Variants in ANXA8 observed in about 807,000 individuals in gnomAD.
ANXA8 encodes annexin A8.
ANXA8 carries 9 observed loss-of-function variants against 26.8 expected under a neutral mutation model. The ratio of observed to expected loss-of-function variants is 0.34; its 90% CI spans 0.20 to 0.59. ANXA8 has a LOEUF of 0.59. Ranked by LOEUF, ANXA8 falls within the 20% of genes least tolerant of loss-of-function variation. ANXA8 has a pLI of 0.84. For missense variants in ANXA8, 83 were observed against 238.5 expected, an observed-to-expected ratio of 0.35 and a Z score of 4.29; for synonymous variants, 39 against 94.8, an observed-to-expected ratio of 0.41 and a Z score of 3.42.
chr10:47,967,990 T>G, the ANXA8 span, among the ~76,000 whole-genome samples: 1 of 150,924 alleles, frequency 6.6e-6, no homozygotes, highest in African/African-American at 2.4e-5. Context: ...AAACCTATAT[T>G]AAAACCCTTA....
At chr10:47,969,935 ATCTT>A in the ANXA8 span, 3 of 151,298 alleles carry the variant, frequency 2.0e-5, no homozygotes, top group Non-Finnish European at 4.4e-5. Flanking sequence ...TTAGTAAGCC[ATCTT>A]TCTCTCTTTT....
At chr10:47,987,123 G>T in the ANXA8 span, 3 of 411,040 alleles carry the variant, frequency 7.3e-6, no homozygotes, top group African/African-American at 7.0e-5. Flanking sequence ...CCCCCGGTTA[G>T]CTGGGCACAG....
the ANXA8 span, chr10:47,502,961 T>C: frequency 2.5e-6 from 4 of 1,585,158 alleles, 1 homozygote; most frequent in South Asian, 4.4e-5. Context: ...GGGGGCGGGT[T>C]GAGCTTGGGG....
chr10:47,720,530 T>C, the ANXA8 span, among the ~76,000 whole-genome samples: 5 of 146,582 alleles, frequency 3.4e-5, 1 homozygote, highest in Non-Finnish European at 7.5e-5. Context: ...AAACTGCTAA[T>C]CAGCTCAGTG....
chr10:47,623,440 G>C, the ANXA8 span, among the ~76,000 whole-genome samples: 2 of 111,566 alleles, frequency 1.8e-5, no homozygotes, highest in African/African-American at 3.5e-5. Context: ...GTTGAGGAGG[G>C]TCAAGGATTC....
chr10:47,959,756 G>A, the ANXA8 span, among the ~76,000 whole-genome samples: 1 of 149,898 alleles, frequency 6.7e-6, no homozygotes, highest in African/African-American at 2.5e-5. Flanking sequence ...ACCTTGAGAG[G>A]TGGGGTCTCT....
chr10:47,469,376 A>C (rs1161786208), intron 11 of ANXA8, among the ~76,000 whole-genome samples: 1 of 151,860 alleles, frequency 6.6e-6, no homozygotes, highest in African/African-American at 2.4e-5. Flanking sequence ...GGTGTGGCCG[A>C]GGCAAGCCCC....
chr10:47,717,528 G>T, the ANXA8 span, among the ~76,000 whole-genome samples: 1 of 122,332 alleles, frequency 8.2e-6, no homozygotes, highest in Non-Finnish European at 1.6e-5. Context: ...GTAAAGAAAT[G>T]AAGACGCTTA....
chr10:47,636,688 C>A, the ANXA8 span, among the ~76,000 whole-genome samples: 12 of 152,050 alleles, frequency 7.9e-5, no homozygotes, highest in Non-Finnish European at 5.9e-5. Context: ...AGCCTTTGAG[C>A]AGGGTACGAA....
At chr10:47,721,506 T>A in the ANXA8 span, among the ~76,000 whole-genome samples, 1 of 140,846 alleles carries the variant, frequency 7.1e-6, no homozygotes, top group African/African-American at 2.6e-5. Flanking sequence ...AGGCAAGAAT[T>A]ATTATTTTTT....
the ANXA8 span, among the ~76,000 whole-genome samples, chr10:47,573,862 G>C: frequency 8.0e-5 from 12 of 149,912 alleles, no homozygotes; most frequent in Admixed American, 2.7e-4. Context: ...AGGTGGAGAG[G>C]GTTGGGGTAT....
the ANXA8 span, among the ~76,000 whole-genome samples, chr10:47,958,504 C>G: frequency 6.8e-6 from 1 of 147,234 alleles, no homozygotes; most frequent in Non-Finnish European, 1.5e-5. Flanking sequence ...TCATCTCCAC[C>G]ACTGGCTCCC....
chr10:47,960,786 C>A, the ANXA8 span, among the ~76,000 whole-genome samples: 1 of 142,300 alleles, frequency 7.0e-6, no homozygotes, highest in Non-Finnish European at 1.5e-5. Flanking sequence ...TCTCCAGAGG[C>A]CTTAGGCATT....
At chr10:47,959,020 G>T in the ANXA8 span, among the ~76,000 whole-genome samples, 1 of 150,036 alleles carries the variant, frequency 6.7e-6, no homozygotes. Flanking sequence ...TCAAGAGAAG[G>T]GTGAGGGCTG....
At chr10:47,907,335 C>T in the ANXA8 span, among the ~76,000 whole-genome samples, 19 of 151,962 alleles carry the variant, frequency 1.3e-4, no homozygotes, top group Non-Finnish European at 2.4e-4. Flanking sequence ...TCAGCCTGGG[C>T]GACAGAGCGA....
At chr10:47,599,709 C>T in the ANXA8 span, 1 of 151,292 alleles carries the variant, frequency 6.6e-6, no homozygotes. Flanking sequence ...GCTGCACCGT[C>T]GTCCCCTAAC....
the ANXA8 span, among the ~76,000 whole-genome samples, chr10:47,610,604 T>C: frequency 1.6e-5 from 2 of 128,716 alleles, no homozygotes; most frequent in African/African-American, 3.1e-5. Context: ...TTTATATATA[T>C]ATATAATTAG....
At chr10:47,970,129 C>T in the ANXA8 span, 1 of 151,318 alleles carries the variant, frequency 6.6e-6, no homozygotes, top group Non-Finnish European at 1.5e-5. Flanking sequence ...TCTGGTAAAC[C>T]TGGTGAATGG....
At chr10:47,955,016 A>G in the ANXA8 span, among the ~76,000 whole-genome samples, 1 of 148,100 alleles carries the variant, frequency 6.8e-6, no homozygotes, top group African/African-American at 2.5e-5. Context: ...CCCCACCCAA[A>G]TCTCATCTTG....
Sources: gnomAD v4.1 joint callset for allele counts (sites outside exome capture counted in the v4.1 genomes callset) on GRCh38, gnomAD v4.1.1 for gene constraint, MANE v1.5 for transcripts, NCBI Gene and HGNC (gene_info 2026-07-23, HGNC 2026-07-21) for gene names.